LSG1: variants seen among roughly 807,000 people sequenced by gnomAD.
LSG1 encodes large subunit GTPase 1 homolog.
In LSG1, 55 loss-of-function variants were observed where a neutral mutation model predicts 82.6. The observed-to-expected ratio is 0.67, with a 90% CI of 0.54 to 0.83. The LOEUF (loss-of-function observed/expected upper bound fraction) is 0.83, where lower values mean the gene tolerates loss of function less well. LSG1 is among the 40% of genes least tolerant of loss of function. The pLI, the probability that LSG1 is intolerant of heterozygous loss-of-function variation, is 0.00. For synonymous variants in LSG1, 272 were observed against 282.5 expected (o/e 0.96, Z 0.37); for missense variants, 809 against 807.9 (o/e 1.00, Z -0.02).
chr3:194,666,140 A>C, intron 4 of LSG1, 63 bp downstream of exon 4: 20 of 1,350,798 alleles, frequency 1.5e-5, no homozygotes, highest in Middle Eastern at 1.8e-4. Context: ...TGGCTGTGTA[A>C]GCATGCCAAA....
intron 10 of LSG1, 52 bp downstream of exon 10, chr3:194,650,829 A>T (rs1214444370): frequency 9.1e-6 from 14 of 1,543,580 alleles, no homozygotes; most frequent in Non-Finnish European, 1.1e-5. Flanking sequence ...AATAAACCTG[A>T]AGCCCTAATA....
At chr3:194,642,311 G>T in intron 13 of LSG1, 64 bp from the exon 14 acceptor site, 1 of 1,354,654 alleles carries the variant, frequency 7.4e-7, no homozygotes, top group Non-Finnish European at 1.0e-6. Flanking sequence ...GATATGCACA[G>T]TACTATTAGT....
intron 2 of LSG1, among the ~76,000 whole-genome samples, chr3:194,667,967 A>ATG (rs1553846972): frequency 3.7e-5 from 5 of 134,784 alleles, no homozygotes; most frequent in African/African-American, 1.4e-4. Context: ...ATATATATAT[A>ATG]TAGCTTTACT....
rs1176667786 is a variant in LSG1 at position 194,641,830 on chromosome 3, G to A, written c.*238C>T. On this transcript the variant is annotated 3_prime_UTR_variant, in exon 14 of 14. Coordinates refer to ENST00000265245, the MANE Select transcript of LSG1 (RefSeq NM_018385.3). The stretch of plus-strand genomic sequence containing the variant: ...GGGGTTTCTCCATGTTGGTGCGTGA[G>A]CCACTGTGCCCGGCCAGGAGTAGGA... The A allele has an allele frequency of 4.1e-5, 16 of 389,180 alleles. No individual in the cohort carries two copies. Among genetic ancestry groups the A allele is most frequent in the South Asian group, 1.2e-4 (2 of 16,150 alleles). The allele number at this position is 389,180 out of a possible 1,614,324, so 24.1% of individuals were successfully genotyped here.
chr3:194,648,642 G>T, intron 11 of LSG1, 39 bp downstream of exon 11: 1 of 1,606,892 alleles, frequency 6.2e-7, no homozygotes, highest in Non-Finnish European at 8.5e-7. Flanking sequence ...TAGGTATACT[G>T]TTACTTTTGT....
chr3:194,658,031 CACGGTCAACAGATGCCTGATAA>C (rs1332065095), intron 7 of LSG1, among the ~76,000 whole-genome samples: 1 of 152,120 alleles, frequency 6.6e-6, no homozygotes, highest in Non-Finnish European at 1.5e-5. Flanking sequence ...ACACACACTC[CACGGTCAACAGATGCCTGATAA>C]ACAGAGACGG....
chr3:194,670,858 T>C (rs1470218564), intron 1 of LSG1, among the ~76,000 whole-genome samples: 2 of 152,086 alleles, frequency 1.3e-5, no homozygotes, highest in Non-Finnish European at 2.9e-5. Context: ...GGCAGGAGGA[T>C]TGCTTGAGGC....
chr3:194,666,931 T>TG (rs1262551912), intron 2 of LSG1, among the ~76,000 whole-genome samples: 2 of 152,194 alleles, frequency 1.3e-5, no homozygotes, highest in Middle Eastern at 3.2e-3. Flanking sequence ...ACTGAATAGA[T>TG]GCTCTGGAGT....
chr3:194,648,075 A>AT (rs990548703), intron 11 of LSG1, among the ~76,000 whole-genome samples: 3,601 of 117,898 alleles, frequency 0.031, 70 homozygotes, highest in African/African-American at 0.043. Flanking sequence ...CCACACTGCT[A>AT]TTTTTTTTTT....
chr3:194,652,852 T>C lies in LSG1; in HGVS notation c.1050A>G (p.Lys350=). ...TGTGTATCTGCCTCTTCTGTGGGGT[T>C]TTCCTGCTCCGAGCCTCAGAATCTG... ...STADSEARSR[K]TPQKRQIHNF... Residue 350 remains lysine (K), a synonymous_variant, in exon 8 of 14, where the codon AAA becomes AAG. Coordinates refer to ENST00000265245, the MANE Select transcript of LSG1 (RefSeq NM_018385.3). The C allele has an allele frequency of 6.2e-7, 1 of 1,614,150 alleles. No individual in the cohort carries two copies. The highest frequency in any genetic ancestry group is 8.5e-7 in the Non-Finnish European group (1 of 1,180,036).
Position 194,641,210 on chromosome 3 carries a change from C to A in LSG1, c.*858G>T, listed in dbSNP as rs189878543. On this transcript the variant is annotated 3_prime_UTR_variant, in exon 14 of 14. Transcript: ENST00000265245. ...ATTTACATACCATACAATTCACCAA[C>A]GTAAAGTGTGTAATTCAATGGTCTT... The A allele has an allele frequency of 1.3e-5, 2 of 152,272 alleles. No individual in the cohort carries two copies. Among genetic ancestry groups the A allele is most frequent in the South Asian group, 2.1e-4 (1 of 4,820 alleles). 9.4% of individuals were successfully genotyped at this position (152,272 alleles called of 1,614,324 possible).
intron 7 of LSG1, 73 bp downstream of exon 7, chr3:194,658,884 C>A: frequency 7.1e-7 from 1 of 1,409,628 alleles, no homozygotes; most frequent in Non-Finnish European, 9.8e-7. Flanking sequence ...ATAAACAAAA[C>A]ACAAACGAAG....
At chr3:194,649,284 T>A (rs576365094) in intron 10 of LSG1, among the ~76,000 whole-genome samples, 1 of 152,324 alleles carries the variant, frequency 6.6e-6, no homozygotes, top group South Asian at 2.1e-4. Context: ...AACAGACTGA[T>A]GCTTCGTAAA....
At position 194,650,892 on chromosome 3, in the gene LSG1, G is replaced by A. The variant is rs1420691695; in HGVS notation, c.1408C>T (p.Pro470Ser). ...PIDQMRDHVP[P>S]VSLVCQNIPR... ...AGCAGAAAGGATATTAGTGATACAG[G>A]AGGAACATGATCTCTCATCTGATCA... Residue 470 changes from proline to serine, a missense_variant, in exon 10 of 14, where the codon CCT becomes TCT. Coordinates refer to ENST00000265245, the MANE Select transcript of LSG1 (RefSeq NM_018385.3). 1.2e-6 allele frequency: 2 copies of A among 1,613,364 alleles called. No homozygotes were observed. Among genetic ancestry groups the A allele is most frequent in the Admixed American group, 3.3e-5 (2 of 59,880 alleles).
intron 2 of LSG1, among the ~76,000 whole-genome samples, chr3:194,667,463 T>C (rs569803805): frequency 2.0e-5 from 3 of 152,266 alleles, no homozygotes; most frequent in African/African-American, 7.2e-5. Context: ...ATCCTTCTCA[T>C]ACACACCCTT....
At position 194,641,458 on chromosome 3, in the gene LSG1, G is replaced by A. The variant is rs747448234; in HGVS notation, c.*610C>T. ...TACCGCAGCTTCCCTGTCACCCGGT[G>A]GTTACATTCTACATGTTCCTTAGTG... On this transcript the variant is annotated 3_prime_UTR_variant, in exon 14 of 14. Coordinates refer to ENST00000265245, the MANE Select transcript of LSG1 (RefSeq NM_018385.3). 8 of 152,184 alleles carry A rather than the reference G, an allele frequency of 5.3e-5. No individual in the cohort carries two copies. Among genetic ancestry groups the A allele is most frequent in the Non-Finnish European group, 1.2e-4 (8 of 68,052 alleles). 9.4% of individuals were successfully genotyped at this position (152,184 alleles called of 1,614,324 possible).
chr3:194,663,299 G>A lies in LSG1; in HGVS notation c.521+2258C>T, dbSNP rs78002847. 1.9e-4 allele frequency among the ~76,000 whole-genome samples: 29 copies of A among 152,240 alleles called. No homozygotes were observed. The East Asian group carries it at 5.0e-3, about 26-fold the overall frequency. ...CCAGGAGAATGACTGTGGGCCTTCC[G>A]AAGCCCTCCTCAAGCTTGAGTAAAA... On this transcript the variant is annotated intron_variant, in intron 5 of 13. Coordinates refer to ENST00000265245, the MANE Select transcript of LSG1 (RefSeq NM_018385.3).
chr3:194,641,911 T>A lies in LSG1; in HGVS notation c.*157A>T. The stretch of plus-strand genomic sequence containing the variant: ...CAGAGTTGGTGTTTCCAGGAGGCCC[T>A]TGGTCTTGACATGGAGACTGTTGGG... On this transcript the variant is annotated 3_prime_UTR_variant, in exon 14 of 14. Coordinates refer to ENST00000265245, the MANE Select transcript of LSG1 (RefSeq NM_018385.3). The A allele has an allele frequency of 1.5e-6, 1 of 689,650 alleles. No homozygotes were observed. 42.7% of individuals were successfully genotyped at this position (689,650 alleles called of 1,614,324 possible).
chr3:194,642,177 G>C lies in LSG1; in HGVS notation c.1868C>G (p.Thr623Ser). Residue 623 changes from threonine (T) to serine (S), a missense_variant, in exon 14 of 14, where the codon ACT (threonine) becomes AGT (serine). Thr to Ser is a moderately conservative substitution (Grantham distance 58, BLOSUM62 1). Coordinates refer to ENST00000265245, the MANE Select transcript of LSG1 (RefSeq NM_018385.3). Reference sequence around the variant, plus strand: ...GTTCTCAGAGCTCGCAGTGGATGCAGTCACTACACCACTCCCGGGCTTGTA... The same window carrying C: ...GTTCTCAGAGCTCGCAGTGGATGCACTCACTACACCACTCCCGGGCTTGTA... Reference protein sequence around the residue: ...MGYKPGSGVVTASTASSENGA... With the variant: ...MGYKPGSGVVSASTASSENGA... 3 of 1,614,094 alleles carry C rather than the reference G, an allele frequency of 1.9e-6. No homozygotes were observed. Among genetic ancestry groups the C allele is most frequent in the Non-Finnish European group, 2.5e-6 (3 of 1,180,014 alleles).
Sources: allele counts gnomAD v4.1 joint callset (sites outside exome capture counted in the v4.1 genomes callset), GRCh38; gene constraint gnomAD v4.1.1; transcripts MANE v1.5; gene names NCBI Gene and HGNC (gene_info 2026-07-23, HGNC 2026-07-21).